KIAA0232: variants seen among roughly 807,000 people sequenced by gnomAD.
The protein encoded by KIAA0232 is KIAA0232, also known as uncharacterized protein KIAA0232.
A neutral mutation model predicts 122.0 loss-of-function variants in KIAA0232; 27 were observed. The observed-to-expected ratio is 0.22, with a 90% CI of 0.16 to 0.31. The LOEUF is 0.31. Ranked by LOEUF, KIAA0232 falls within the 10% of genes least tolerant of loss-of-function variation. The pLI, the probability that KIAA0232 is intolerant of heterozygous loss-of-function variation, is 1.00. For missense variants in KIAA0232, 1,551 were observed against 1,634.2 expected, an observed-to-expected ratio of 0.95 and a Z score of 0.88; for synonymous variants, 613 against 587.6, an observed-to-expected ratio of 1.04 and a Z score of -0.63.
intron 1 of KIAA0232, among the ~76,000 whole-genome samples, chr4:6,804,126 C>T (rs184101702): frequency 6.6e-6 from 1 of 152,314 alleles, no homozygotes; most frequent in East Asian, 1.9e-4. Flanking sequence ...TAGGAATTCT[C>T]AATGTGTTTC....
chr4:6,806,701 T>A lies in KIAA0232; in HGVS notation c.-270+2095T>A, dbSNP rs1414790396. Reference sequence around the variant, plus strand: ...GTGAGCCAAGATCATGCCACTGCACTCCATCCTGGGTGACAGAGCTAGATA... The same window carrying A: ...GTGAGCCAAGATCATGCCACTGCACACCATCCTGGGTGACAGAGCTAGATA... On this transcript the variant is annotated intron_variant, in intron 2 of 9. Coordinates refer to ENST00000307659, the MANE Select transcript of KIAA0232 (RefSeq NM_014743.3). Among the ~76,000 whole-genome samples, 42 of 118,678 alleles carry A rather than the reference T, an allele frequency of 3.5e-4. No individual in the cohort carries two copies. In the Admixed American group the frequency reaches 5.0e-3, roughly 14 times the overall value. The allele number at this position is 118,678 out of a possible 152,430, so 77.9% of individuals were successfully genotyped here. A position where few individuals can be genotyped will look rare whatever the true frequency, so the allele number is the denominator to read the frequency against.
In KIAA0232 at chr4:6,807,092, G is replaced by T. The variant is rs185196317; in HGVS notation, c.-270+2486G>T. Among the ~76,000 whole-genome samples, 8 of 146,968 alleles carry T rather than the reference G, an allele frequency of 5.4e-5. No individual in the cohort carries two copies. The East Asian group carries it at 1.6e-3, about 30-fold the overall frequency. ...TATCTATCTATCTATTTAAGACAGG[G>T]TCCTGCTATGTTGCCCAAGTTGGCC... On this transcript the variant is annotated intron_variant, in intron 2 of 9. Coordinates refer to ENST00000307659, the MANE Select transcript of KIAA0232 (RefSeq NM_014743.3).
At chr4:6,848,672 T>C (rs1053682287) in intron 4 of KIAA0232, among the ~76,000 whole-genome samples, 1 of 152,248 alleles carries the variant, frequency 6.6e-6, no homozygotes, top group Non-Finnish European at 1.5e-5. Context: ...TAGGGATGAC[T>C]ATATACTGTG....
chr4:6,868,280 A>G (rs942593346), intron 7 of KIAA0232, among the ~76,000 whole-genome samples: 3 of 152,150 alleles, frequency 2.0e-5, no homozygotes, highest in African/African-American at 7.2e-5. Flanking sequence ...TCATTCATTC[A>G]TCAAGTATTT....
intron 7 of KIAA0232, among the ~76,000 whole-genome samples, chr4:6,866,886 T>C (rs966785074): frequency 7.9e-5 from 12 of 152,314 alleles, no homozygotes; most frequent in African/African-American, 2.9e-4. Flanking sequence ...TTATTTTAAC[T>C]GAAATAGGTA....
intron 8 of KIAA0232, among the ~76,000 whole-genome samples, chr4:6,874,968 C>T (rs1721674510): frequency 6.6e-6 from 1 of 152,216 alleles, no homozygotes; most frequent in African/African-American, 2.4e-5. Context: ...GATGGGCCTG[C>T]CTGCCTCTGA....
intron 2 of KIAA0232, among the ~76,000 whole-genome samples, chr4:6,823,724 CAA>C (rs35703069): frequency 1.1e-3 from 156 of 139,756 alleles, no homozygotes; most frequent in African/African-American, 3.2e-3. Context: ...CTTGAGATAG[CAA>C]AAAAAAAAAA....
intron 4 of KIAA0232, among the ~76,000 whole-genome samples, chr4:6,843,418 A>G (rs900632759): frequency 6.6e-5 from 10 of 152,310 alleles, no homozygotes; most frequent in Non-Finnish European, 1.3e-4. Context: ...CACTGATGCA[A>G]ACGGTTTTTA....
At chr4:6,786,098 A>G (rs1195898917) in intron 1 of KIAA0232, among the ~76,000 whole-genome samples, 1 of 152,218 alleles carries the variant, frequency 6.6e-6, no homozygotes, top group Admixed American at 6.5e-5. Context: ...AATTGGTCAT[A>G]GTAAACTCTG....
intron 9 of KIAA0232, among the ~76,000 whole-genome samples, chr4:6,880,477 C>T (rs1722015163): frequency 6.6e-6 from 1 of 151,970 alleles, no homozygotes; most frequent in Non-Finnish European, 1.5e-5. Context: ...GCTGGAGTCC[C>T]TGTGCCCAGT....
chr4:6,819,341 A>G (rs966508040), intron 2 of KIAA0232, among the ~76,000 whole-genome samples: 1 of 152,164 alleles, frequency 6.6e-6, no homozygotes, highest in African/African-American at 2.4e-5. Flanking sequence ...ATAGGAGAAA[A>G]TATTTGCAAA....
intron 1 of KIAA0232, among the ~76,000 whole-genome samples, chr4:6,794,745 A>G (rs1022590622): frequency 2.0e-5 from 3 of 152,148 alleles, no homozygotes; most frequent in Non-Finnish European, 4.4e-5. Context: ...GGGTTTGCTG[A>G]TGGACGAGAT....
intron 3 of KIAA0232, among the ~76,000 whole-genome samples, chr4:6,827,062 G>C (rs2109047478): frequency 6.6e-6 from 1 of 152,284 alleles, no homozygotes; most frequent in East Asian, 1.9e-4. Context: ...AACATGTCTG[G>C]AGTTACAAGG....
chr4:6,820,163 T>A (rs1560173264), intron 2 of KIAA0232, among the ~76,000 whole-genome samples: 1 of 152,094 alleles, frequency 6.6e-6, no homozygotes, highest in Non-Finnish European at 1.5e-5. Context: ...ACTCAGTACC[T>A]GGGCAATGGA....
intron 2 of KIAA0232, among the ~76,000 whole-genome samples, chr4:6,815,439 C>T (rs1410563695): frequency 1.3e-5 from 2 of 152,170 alleles, no homozygotes; most frequent in African/African-American, 4.8e-5. Context: ...AGGCTTGCTG[C>T]TTAGGTAGAG....
chr4:6,829,959 A>C (rs1209613205), intron 3 of KIAA0232, among the ~76,000 whole-genome samples: 1 of 152,172 alleles, frequency 6.6e-6, no homozygotes, highest in Non-Finnish European at 1.5e-5. Flanking sequence ...AGCTAATTAA[A>C]CTACCATTGA....
chr4:6,869,025 T>G (rs916023984), intron 7 of KIAA0232, among the ~76,000 whole-genome samples: 2 of 152,208 alleles, frequency 1.3e-5, no homozygotes, highest in South Asian at 4.1e-4. Context: ...ACTGAGTATC[T>G]GCTTTGTGCG....
chr4:6,873,828 T>G (rs1721618199), intron 8 of KIAA0232, among the ~76,000 whole-genome samples: 1 of 152,252 alleles, frequency 6.6e-6, no homozygotes, highest in Non-Finnish European at 1.5e-5. Flanking sequence ...ATATTTGCCC[T>G]GTAGCATCAT....
At chr4:6,835,637 G>GC (rs1383385094) in intron 3 of KIAA0232, among the ~76,000 whole-genome samples, 1 of 152,084 alleles carries the variant, frequency 6.6e-6, no homozygotes, top group Non-Finnish European at 1.5e-5. Context: ...CTCCCAACAG[G>GC]CCCCCGGTGT....
Sources: gnomAD v4.1 joint callset for allele counts (sites outside exome capture counted in the v4.1 genomes callset) on GRCh38, gnomAD v4.1.1 for gene constraint, MANE v1.5 for transcripts, NCBI Gene and HGNC (gene_info 2026-07-23, HGNC 2026-07-21) for gene names.